Variants in ZCCHC14 observed in about 807,000 individuals in gnomAD.
ZCCHC14 encodes the protein zinc finger CCHC domain-containing protein 14.
A neutral mutation model predicts 85.0 loss-of-function variants in ZCCHC14; 16 were observed. That is an observed-to-expected ratio of 0.19 (90% CI 0.13 to 0.29). The LOEUF (loss-of-function observed/expected upper bound fraction) is 0.29. Ranked by LOEUF, ZCCHC14 falls within the 10% of genes least tolerant of loss-of-function variation. The probability of loss-of-function intolerance (pLI) is 1.00; values close to 1 mark genes in which losing one functional copy is unlikely to be tolerated. For synonymous variants in ZCCHC14, 775 were observed against 630.7 expected (o/e 1.23, Z -3.43); for missense variants, 1,303 against 1,443.5 (o/e 0.90, Z 1.58).
At position 87,417,349 on chromosome 16, in the gene ZCCHC14, C is replaced by A. The variant is rs770976240; in HGVS notation, c.1383+111G>T. The A allele has an allele frequency of 1.8e-4, 271 of 1,475,682 alleles. 1 individual carries two copies. Among genetic ancestry groups the A allele is most frequent in the Middle Eastern group, 9.2e-4 (5 of 5,416 alleles). 91.4% of individuals were successfully genotyped at this position (1,475,682 alleles called of 1,614,324 possible). A position where few individuals can be genotyped will look rare whatever the true frequency, so the allele number is the denominator to read the frequency against. On this transcript the variant is annotated intron_variant, in intron 8 of 12. Transcript: ENST00000671377. ...TCCCTTAAGAACAGGCGCTGCGCCT[C>A]GGCCTCCGTACTTCATCCACCTTGT...
rs1004772469 is a variant in ZCCHC14, at chr16:87,491,355, T to A, written c.570+314A>T. Among the ~76,000 whole-genome samples the A allele has an allele frequency of 2.6e-5, 4 of 151,994 alleles. No individual in the cohort carries two copies. Among genetic ancestry groups the A allele is most frequent in the African/African-American group, 9.7e-5 (4 of 41,378 alleles). On this transcript the variant is annotated intron_variant, in intron 1 of 12. Coordinates refer to ENST00000671377, the MANE Select transcript of ZCCHC14 (RefSeq NM_015144.3). This position sits in a 1 kb window ranked among gnomAD's most constrained non-coding sequence, Gnocchi z 5.9. Reference sequence around the variant, plus strand: ...CGGTCTTGGGGCTTAAAGTGCAGACTTAGGGTGAGGAGTGCGGGCTTAGGA... The same window carrying A: ...CGGTCTTGGGGCTTAAAGTGCAGACATAGGGTGAGGAGTGCGGGCTTAGGA...
intron 1 of ZCCHC14, among the ~76,000 whole-genome samples, chr16:87,481,285 G>T (rs1490556146): frequency 6.6e-6 from 1 of 152,074 alleles, no homozygotes; most frequent in Non-Finnish European, 1.5e-5. Context: ...AAAATAAAAT[G>T]GAGCAGCTAT....
At chr16:87,434,758 G>A (rs980618704) in intron 2 of ZCCHC14, among the ~76,000 whole-genome samples, 14 of 152,134 alleles carry the variant, frequency 9.2e-5, no homozygotes, top group Non-Finnish European at 1.8e-4. Flanking sequence ...TTGGGGGGCC[G>A]AGGCAGGCAA....
In ZCCHC14 at chr16:87,492,425, C is replaced by A. The variant is rs1303622483; in HGVS notation, c.-187G>T. 1.4e-5 allele frequency: 2 copies of A among 144,496 alleles called. No homozygotes were observed. The highest frequency in any genetic ancestry group is 6.8e-5 in the Admixed American group (1 of 14,624). The allele number at this position is 144,496 out of a possible 1,614,324, so 9.0% of individuals were successfully genotyped here. A position where few individuals can be genotyped will look rare whatever the true frequency, so the allele number is the denominator to read the frequency against. ...GGCGGGGGCGGGGACCGGGGCCGGG[C>A]AAGGCTCCCGTCAGGGGCCGGCGGG... is the stretch of plus-strand genomic sequence containing the variant. On this transcript the variant is annotated 5_prime_UTR_variant, in exon 1 of 13. Transcript: ENST00000671377. The surrounding 1 kb of genome is among the most constrained non-coding windows in gnomAD (Gnocchi z 6.7).
At chr16:87,429,665 G>T (rs981128939) in intron 3 of ZCCHC14, among the ~76,000 whole-genome samples, 1 of 152,154 alleles carries the variant, frequency 6.6e-6, no homozygotes, top group Non-Finnish European at 1.5e-5. Context: ...GGAGTGCAGT[G>T]GCATGATCTT....
intron 1 of ZCCHC14, among the ~76,000 whole-genome samples, chr16:87,483,600 C>T (rs1324926026): frequency 2.0e-5 from 3 of 152,170 alleles, no homozygotes; most frequent in Non-Finnish European, 4.4e-5. Flanking sequence ...AAACAATATT[C>T]AACCTTTATC....
At position 87,491,936 on chromosome 16, in the gene ZCCHC14, C is replaced by T; in HGVS notation, c.303G>A (p.Ala101=). The part of the protein sequence containing the change: ...LALLGSEQRE[A]AGVLYRTLTH... ...TGAGCGTGCGGTAGAGCACGCCCGC[C>T]GCCTCGCGCTGCTCCGAGCCCAGCA... Residue 101 remains alanine, a synonymous_variant, in exon 1 of 13, where the codon GCG becomes GCA. Coordinates refer to ENST00000671377, the MANE Select transcript of ZCCHC14 (RefSeq NM_015144.3). The surrounding 1 kb of genome is among the most constrained non-coding windows in gnomAD (Gnocchi z 5.9). The T allele has an allele frequency of 1.4e-6, 2 of 1,464,518 alleles. No individual in the cohort carries two copies. The highest frequency in any genetic ancestry group is 1.8e-6 in the Non-Finnish European group (2 of 1,113,386). 90.7% of individuals were successfully genotyped at this position (1,464,518 alleles called of 1,614,324 possible). A position where few individuals can be genotyped will look rare whatever the true frequency, so the allele number is the denominator to read the frequency against.
At chr16:87,481,526 C>T (rs1296457895) in intron 1 of ZCCHC14, among the ~76,000 whole-genome samples, 2 of 2,434 alleles carry the variant, frequency 8.2e-4, no homozygotes, top group African/African-American at 2.6e-3. Flanking sequence ...GGGAGAGAAA[C>T]GGGGGGGGGG....
intron 2 of ZCCHC14, among the ~76,000 whole-genome samples, chr16:87,441,346 T>A (rs1012678197): frequency 2.6e-5 from 4 of 152,238 alleles, no homozygotes; most frequent in African/African-American, 9.6e-5. Flanking sequence ...GTCACCTACA[T>A]TATCTTAATA....
In ZCCHC14 at chr16:87,418,857, C is replaced by T. The variant is rs747926856; in HGVS notation, c.1090G>A (p.Val364Met). The T allele has an allele frequency of 2.2e-5, 35 of 1,613,206 alleles. No homozygotes were observed. Among genetic ancestry groups the T allele is most frequent in the Middle Eastern group, 3.3e-4 (2 of 6,084 alleles). Reference sequence around the variant, plus strand: ...TAGAAGATTTCTCACCTTCCAGACACGCCCATCACGGTACCTACTTTAGAA... The same window carrying T: ...TAGAAGATTTCTCACCTTCCAGACATGCCCATCACGGTACCTACTTTAGAA... The part of the protein sequence containing the change: ...SLSKVGTVMG[V>M]SGRPVCGVAG... Residue 364 changes from valine to methionine, a missense_variant, in exon 7 of 13, where the codon GTG (valine) becomes ATG (methionine). This residue lies in a region of ZCCHC14 where 389 missense variants were observed against 397.8 expected (regional missense o/e 0.98). Coordinates refer to ENST00000671377, the MANE Select transcript of ZCCHC14 (RefSeq NM_015144.3).
intron 2 of ZCCHC14, among the ~76,000 whole-genome samples, chr16:87,449,305 A>G (rs1358092649): frequency 1.3e-5 from 2 of 152,180 alleles, no homozygotes; most frequent in African/African-American, 4.8e-5. Context: ...AATTGGGCAC[A>G]CTTTAATGTT....
At chr16:87,447,340 C>A (rs1424588692) in intron 2 of ZCCHC14, among the ~76,000 whole-genome samples, 1 of 151,902 alleles carries the variant, frequency 6.6e-6, no homozygotes, top group South Asian at 2.1e-4. Context: ...TTACATAGAG[C>A]AAAATGCAGA....
chr16:87,493,016 A>T lies in ZCCHC14; in HGVS notation c.-778T>A, dbSNP rs1323793091. Among the ~76,000 whole-genome samples, 1 of 151,908 alleles carries T rather than the reference A, an allele frequency of 6.6e-6. No homozygotes were observed. The highest frequency in any genetic ancestry group is 2.4e-5 in the African/African-American group (1 of 41,426). On this transcript the variant is annotated 5_prime_UTR_variant, in exon 1 of 13. Coordinates refer to ENST00000671377, the MANE Select transcript of ZCCHC14 (RefSeq NM_015144.3). ...TCGCGGCTGACGGGCGGCCGGGATCAGCAGAAGTGGGCGGGGTGGCCGCCT... is the reference window on the plus strand; with the variant it reads ...TCGCGGCTGACGGGCGGCCGGGATCTGCAGAAGTGGGCGGGGTGGCCGCCT...
chr16:87,466,045 G>A (rs1329214467), intron 1 of ZCCHC14, among the ~76,000 whole-genome samples: 1 of 152,208 alleles, frequency 6.6e-6, no homozygotes, highest in Admixed American at 6.5e-5. Flanking sequence ...AGGCAAGGGT[G>A]AGGAGCTACG....
chr16:87,470,262 T>A (rs1345366661), intron 1 of ZCCHC14: 1 of 151,922 alleles, frequency 6.6e-6, no homozygotes, highest in Non-Finnish European at 1.5e-5. Flanking sequence ...CCTGGGAAGT[T>A]GAGGCTGCAA....
At chr16:87,413,484 C>A (rs1006585606) in intron 10 of ZCCHC14, among the ~76,000 whole-genome samples, 3 of 152,152 alleles carry the variant, frequency 2.0e-5, no homozygotes, top group Non-Finnish European at 4.4e-5. Context: ...GGAACTATCA[C>A]AACACTACAC....
intron 2 of ZCCHC14, among the ~76,000 whole-genome samples, chr16:87,435,468 T>TA (rs762971498): frequency 3.5e-4 from 54 of 152,352 alleles, no homozygotes; most frequent in Admixed American, 6.5e-4. Context: ...CACCCCGTGA[T>TA]ACCATGGCTG....
intron 3 of ZCCHC14, 34 bp from the exon 4 acceptor site, chr16:87,423,915 C>G (rs1909234145): frequency 6.2e-7 from 1 of 1,608,128 alleles, no homozygotes; most frequent in South Asian, 1.1e-5. Flanking sequence ...ACCTTAGAAA[C>G]AGACACCACA....
At chr16:87,476,324 A>G (rs1240922120) in intron 1 of ZCCHC14, among the ~76,000 whole-genome samples, 1 of 152,234 alleles carries the variant, frequency 6.6e-6, no homozygotes, top group African/African-American at 2.4e-5. Context: ...GGTTGGGGGA[A>G]AAAAGGTAAA....
Sources: gnomAD v4.1 joint callset for allele counts (sites outside exome capture counted in the v4.1 genomes callset) on GRCh38, gnomAD v4.1.1 for gene constraint, gnomAD v4.1.1 regional missense constraint, Gnocchi (gnomAD v3.1) non-coding constraint, MANE v1.5 for transcripts, NCBI Gene and HGNC (gene_info 2026-07-23, HGNC 2026-07-21) for gene names.